BPTF: variants seen among roughly 807,000 people sequenced by gnomAD.
BPTF encodes the protein nucleosome-remodeling factor subunit BPTF.
BPTF carries 18 observed loss-of-function variants against 292.5 expected under a neutral mutation model. That is an observed-to-expected ratio of 0.06 (90% confidence interval 0.04 to 0.09). The LOEUF is 0.09. Among genes scored for constraint, BPTF ranks in the 10% least tolerant of loss-of-function variants. BPTF has a pLI of 1.00. For synonymous variants in BPTF, 1,225 were observed against 1,251.9 expected, an observed-to-expected ratio of 0.98 and a Z score of 0.45; for missense variants, 2,726 against 3,498.7, an observed-to-expected ratio of 0.78 and a Z score of 5.57.
chr17:67,836,595 T>G (rs1232123133), intron 1 of BPTF, among the ~76,000 whole-genome samples: 1 of 152,208 alleles, frequency 6.6e-6, no homozygotes, highest in Non-Finnish European at 1.5e-5. Flanking sequence ...TAAAGGTTTA[T>G]GAACTTATTC....
At chr17:67,962,311 A>G (rs1457863861) in intron 24 of BPTF, among the ~76,000 whole-genome samples, 1 of 152,234 alleles carries the variant, frequency 6.6e-6, no homozygotes, top group Non-Finnish European at 1.5e-5. Flanking sequence ...CAGCAAGGCC[A>G]GTCTGGTTCC....
At chr17:67,934,071 T>C (rs1326163142) in intron 18 of BPTF, among the ~76,000 whole-genome samples, 1 of 152,072 alleles carries the variant, frequency 6.6e-6, no homozygotes, top group Non-Finnish European at 1.5e-5. Flanking sequence ...AAATAATAAT[T>C]CATAGGCTTT....
rs1555697153 is a variant in BPTF at position 67,982,425 on chromosome 17, A to AG, written c.*138dup. The AG allele has an allele frequency of 2.9e-5, 20 of 681,984 alleles. No individual in the cohort carries two copies. Among genetic ancestry groups the AG allele is most frequent in the Non-Finnish European group, 1.8e-5 (8 of 433,804 alleles). The allele number at this position is 681,984 out of a possible 1,614,324, so 42.2% of individuals were successfully genotyped here. ...AAACTTCGTTTTTATTGGTCATAAC[A>AG]GTCCAATTATATTCTTGGCCAATTT... On this transcript the variant is annotated 3_prime_UTR_variant, in exon 28 of 28. Transcript: ENST00000306378.
chr17:67,982,338 GAACTATT>G lies in BPTF; in HGVS notation c.*51_*57del. On this transcript the variant is annotated 3_prime_UTR_variant, in exon 28 of 28. Transcript: ENST00000306378. ...AAACACAGCAAGAATCTGGTTGTCT[GAACTATT>G]TTAAATTAAGGAGCCAGATGTTTTT... 1 of 1,542,244 alleles carries G rather than the reference GAACTATT, an allele frequency of 6.5e-7. No homozygotes were observed. Among genetic ancestry groups the G allele is most frequent in the Admixed American group, 1.7e-5 (1 of 58,670 alleles).
chr17:67,970,260 G>C (rs1307128037), intron 26 of BPTF, among the ~76,000 whole-genome samples: 1 of 151,792 alleles, frequency 6.6e-6, no homozygotes, highest in Non-Finnish European at 1.5e-5. Context: ...AATTTAGCCA[G>C]GCATGGTGCC....
At chr17:67,878,738 GTCTGCTTCTTTGTT>G (rs1449221391) in intron 4 of BPTF, among the ~76,000 whole-genome samples, 3 of 151,944 alleles carry the variant, frequency 2.0e-5, no homozygotes, top group African/African-American at 7.3e-5. Context: ...GGAGGTACCT[GTCTGCTTCTTTGTT>G]CATTTTCTAT....
At chr17:67,826,742 A>G (rs2056101606) in intron 1 of BPTF, among the ~76,000 whole-genome samples, 3 of 151,742 alleles carry the variant, frequency 2.0e-5, no homozygotes, top group Non-Finnish European at 2.9e-5. Context: ...TGTTTTGCAA[A>G]CCTCTTTGCA....
intron 24 of BPTF, among the ~76,000 whole-genome samples, chr17:67,961,898 C>T (rs12452570): frequency 0.88 from 134,038 of 151,592 alleles, 61,619 homozygotes; most frequent in East Asian, 1. Context: ...CGCTTGAACC[C>T]GGGAGACTGA....
intron 17 of BPTF, 44 bp from the exon 18 acceptor site, chr17:67,931,867 C>A (rs774632253): frequency 1.2e-5 from 17 of 1,460,062 alleles, no homozygotes; most frequent in Non-Finnish European, 1.6e-5. Context: ...ATACTTTAAT[C>A]TTTTTAAAGC....
intron 11 of BPTF, 61 bp from the exon 12 acceptor site, chr17:67,918,653 A>AATGTGT (rs1220251386): frequency 8.2e-6 from 12 of 1,464,414 alleles, no homozygotes; most frequent in African/African-American, 5.6e-5. Context: ...AGTGAATATG[A>AATGTGT]ATGTGTATGT....
intron 3 of BPTF, among the ~76,000 whole-genome samples, 198 bp downstream of exon 3, chr17:67,866,885 C>G (rs1289662129): frequency 6.6e-6 from 1 of 152,214 alleles, no homozygotes; most frequent in Admixed American, 6.5e-5. Context: ...CTTACACAAA[C>G]CATACACCTA....
intron 4 of BPTF, among the ~76,000 whole-genome samples, chr17:67,887,867 A>G (rs73995050): frequency 0.026 from 3,889 of 152,274 alleles, 187 homozygotes; most frequent in African/African-American, 0.088. Context: ...AGCAATTTGT[A>G]TTTATATGTT....
At chr17:67,852,080 G>A (rs1046686478) in intron 1 of BPTF, among the ~76,000 whole-genome samples, 4 of 152,072 alleles carry the variant, frequency 2.6e-5, no homozygotes, top group South Asian at 2.1e-4. Context: ...ATGATTGACA[G>A]TTGAGGGGCT....
At chr17:67,856,402 C>A (rs767384115) in intron 2 of BPTF, among the ~76,000 whole-genome samples, 1 of 151,858 alleles carries the variant, frequency 6.6e-6, no homozygotes, top group African/African-American at 2.4e-5. Context: ...TTTTTTCTCT[C>A]CTCTGTGCAT....
chr17:67,857,971 A>G (rs1309209324), intron 2 of BPTF, among the ~76,000 whole-genome samples: 3 of 151,592 alleles, frequency 2.0e-5, no homozygotes, highest in Non-Finnish European at 4.4e-5. Flanking sequence ...TATTTATAGT[A>G]GAGATGGGGT....
In BPTF at chr17:67,947,934, T is replaced by C; in HGVS notation, c.7700+126T>C. On this transcript the variant is annotated intron_variant, in intron 22 of 27. Transcript: ENST00000306378. ...ATTAAATGAGAACACTTGGCACTAA[T>C]AGTTACTCATAACTGGTTTGAACCA... is the stretch of plus-strand genomic sequence containing the variant. The C allele has an allele frequency of 4.1e-6, 5 of 1,225,304 alleles. No individual in the cohort carries two copies. In the South Asian group the frequency reaches 7.3e-5, roughly 18 times the overall value. The allele number at this position is 1,225,304 out of a possible 1,614,324, so 75.9% of individuals were successfully genotyped here. A position where few individuals can be genotyped will look rare whatever the true frequency, so the allele number is the denominator to read the frequency against.
intron 1 of BPTF, among the ~76,000 whole-genome samples, chr17:67,852,956 T>A (rs12603139): frequency 6.6e-6 from 1 of 152,068 alleles, no homozygotes; most frequent in African/African-American, 2.4e-5. Flanking sequence ...GCCAATATGG[T>A]GAAACCCCAT....
rs1477050508 is a variant in BPTF, at chr17:67,912,905, C to T, written c.5021C>T (p.Thr1674Ile). ...SLTTTGGTLV[T>I]SMTVSKEYST... ...ACCACCACGGGAGGCACACTGGTTA[C>T]ATCTATGACTGTGAGCAAAGAGTAT... is the stretch of plus-strand genomic sequence containing the variant. Residue 1674 changes from threonine (T) to isoleucine (I), a missense_variant, in exon 11 of 28, where the codon ACA (threonine) becomes ATA (isoleucine). Physicochemically the swap from Thr to Ile is moderately conservative, Grantham distance 89 (BLOSUM62 -1). This residue lies in a region of BPTF where 144 missense variants were observed against 177.2 expected (regional missense o/e 0.81). Coordinates refer to ENST00000306378, the MANE Select transcript of BPTF (RefSeq NM_182641.4). 1 of 1,614,218 alleles carries T rather than the reference C, an allele frequency of 6.2e-7. No individual in the cohort carries two copies. Among genetic ancestry groups the T allele is most frequent in the Non-Finnish European group, 8.5e-7 (1 of 1,180,028 alleles).
chr17:67,864,836 G>T (rs1252248509), intron 2 of BPTF, among the ~76,000 whole-genome samples: 3 of 151,656 alleles, frequency 2.0e-5, no homozygotes, highest in African/African-American at 4.8e-5. Flanking sequence ...ACAGAGTCTC[G>T]CTCTGTCACC....
Sources: gnomAD v4.1 joint callset for allele counts (sites outside exome capture counted in the v4.1 genomes callset) on GRCh38, gnomAD v4.1.1 for gene constraint, gnomAD v4.1.1 regional missense constraint, MANE v1.5 for transcripts, NCBI Gene and HGNC (gene_info 2026-07-23, HGNC 2026-07-21) for gene names.